The following QPCT variants were observed in gnomAD, a reference collection of about 807,000 sequenced individuals.
The protein encoded by QPCT is EC.
Under a neutral mutation model 43.4 loss-of-function variants are expected in QPCT, and 44 were observed. That is an observed-to-expected ratio of 1.01 (90% confidence interval 0.80 to 1.30). The LOEUF (loss-of-function observed/expected upper bound fraction) is 1.30, where lower values mean the gene tolerates loss of function less well. QPCT is among the 50% of genes most tolerant of loss of function. The pLI is 0.00. For synonymous variants in QPCT, 168 were observed against 168.4 expected, an observed-to-expected ratio of 1.00 and a Z score of 0.02; for missense variants, 526 against 436.5, an observed-to-expected ratio of 1.21 and a Z score of -1.83.
At chr2:37,354,032 T>C (rs936379933) in intron 2 of QPCT, among the ~76,000 whole-genome samples, 3 of 152,192 alleles carry the variant, frequency 2.0e-5, no homozygotes, top group Admixed American at 6.5e-5. Flanking sequence ...GCCCGGCTAA[T>C]TTTTGTATTT....
intron 1 of QPCT, among the ~76,000 whole-genome samples, chr2:37,346,844 A>G (rs1293537884): frequency 6.6e-6 from 1 of 152,066 alleles, no homozygotes; most frequent in Admixed American, 6.5e-5. Flanking sequence ...CGACTATTTT[A>G]ATCATATGAT....
In QPCT at chr2:37,367,082, G is replaced by C. The variant is rs148254821; in HGVS notation, c.547-150G>C. Reference sequence around the variant, plus strand: ...TGTGATGACTTTTGAAGAGGAAGTGGTGTGGAATAAATTTTGCCATAGTTT... The same window carrying C: ...TGTGATGACTTTTGAAGAGGAAGTGCTGTGGAATAAATTTTGCCATAGTTT... On this transcript the variant is annotated intron_variant, in intron 3 of 6. Coordinates refer to ENST00000338415, the MANE Select transcript of QPCT (RefSeq NM_012413.4). 846 of 749,414 alleles carry C rather than the reference G, an allele frequency of 1.1e-3. 4 individuals are homozygous for C. The African/African-American group carries it at 0.012, about 11-fold the overall frequency. The allele number at this position is 749,414 out of a possible 1,614,324, so 46.4% of individuals were successfully genotyped here. A position where few individuals can be genotyped will look rare whatever the true frequency, so the allele number is the denominator to read the frequency against.
intron 2 of QPCT, among the ~76,000 whole-genome samples, chr2:37,354,068 T>C (rs932912290): frequency 1.3e-5 from 2 of 152,254 alleles, no homozygotes; most frequent in Non-Finnish European, 2.9e-5. Flanking sequence ...TTTCACCACG[T>C]TGGCCAGGAT....
chr2:37,347,187 TATATAA>T (rs1276122250), intron 1 of QPCT, among the ~76,000 whole-genome samples: 23 of 93,280 alleles, frequency 2.5e-4, no homozygotes, highest in South Asian at 3.2e-4. Context: ...ATAACATATA[TATATAA>T]CATATATATA....
intron 4 of QPCT, 69 bp from the exon 5 acceptor site, chr2:37,369,616 T>G (rs895130585): frequency 5.2e-6 from 6 of 1,163,264 alleles, no homozygotes; most frequent in Admixed American, 1.7e-5. Context: ...TGACTGATTG[T>G]ATTTCCCTGT....
intron 1 of QPCT, among the ~76,000 whole-genome samples, chr2:37,350,593 G>A (rs189339548): frequency 6.6e-5 from 10 of 152,354 alleles, no homozygotes; most frequent in African/African-American, 2.4e-4. Context: ...GTGAGGCAGA[G>A]TAAAACTAGC....
Position 37,372,687 on chromosome 2 carries a change from C to G in QPCT, c.946C>G (p.Pro316Ala), listed in dbSNP as rs777949402. ...DHIPFLRRGV[P>A]VLHLIPSPFP... ...AGTTGGTTCTTTCTTAATAGGTGTT[C>G]CAGTTCTGCATCTGATACCGTCTCC... Residue 316 changes from proline to alanine, a missense_variant, in exon 7 of 7, where the codon CCA becomes GCA. Transcript: ENST00000338415. 2.7e-5 allele frequency: 43 copies of G among 1,612,228 alleles called. No individual in the cohort carries two copies. The Middle Eastern group carries it at 5.0e-4, about 19-fold the overall frequency.
At chr2:37,362,966 G>C (rs933851100) in intron 3 of QPCT, among the ~76,000 whole-genome samples, 1 of 152,244 alleles carries the variant, frequency 6.6e-6, no homozygotes, top group Admixed American at 6.5e-5. Context: ...TTGAACCAGG[G>C]AGGTTATGGA....
chr2:37,348,671 C>T (rs1044919746), intron 1 of QPCT, among the ~76,000 whole-genome samples: 1 of 152,258 alleles, frequency 6.6e-6, no homozygotes, highest in East Asian at 1.9e-4. Context: ...ACATGATTAG[C>T]CTAGAAGAGA....
chr2:37,351,323 T>A (rs1672615704), intron 1 of QPCT, among the ~76,000 whole-genome samples: 1 of 152,240 alleles, frequency 6.6e-6, no homozygotes, highest in South Asian at 2.1e-4. Flanking sequence ...GTTCTCTTCC[T>A]GTTGAGGAGG....
chr2:37,353,021 G>A (rs1672656337), intron 2 of QPCT, 86 bp downstream of exon 2: 4 of 1,449,142 alleles, frequency 2.8e-6, no homozygotes, highest in Non-Finnish European at 3.7e-6. Context: ...GTTCTGAGGT[G>A]TCTAATATTC....
At position 37,363,193 on chromosome 2, in the gene QPCT, G is replaced by A. The variant is rs531120956; in HGVS notation, c.546+3335G>A. On this transcript the variant is annotated intron_variant, in intron 3 of 6. Coordinates refer to ENST00000338415, the MANE Select transcript of QPCT (RefSeq NM_012413.4). The stretch of plus-strand genomic sequence containing the variant: ...AGATGGTGACATTCAGTAATCCTCA[G>A]TGAAAACACTGGCTGGGCACCAGAT... Among the ~76,000 whole-genome samples, 135 of 152,314 alleles carry A rather than the reference G, an allele frequency of 8.9e-4. 2 individuals are homozygous for A. The highest frequency in any genetic ancestry group is 4.8e-3 in the South Asian group (23 of 4,830).
intron 4 of QPCT, among the ~76,000 whole-genome samples, chr2:37,369,274 C>T (rs995433643): frequency 4.6e-5 from 7 of 152,146 alleles, no homozygotes; most frequent in Non-Finnish European, 1.0e-4. Context: ...GTCCAAGTGC[C>T]TTCCTTTGAG....
intron 1 of QPCT, among the ~76,000 whole-genome samples, chr2:37,351,078 G>A (rs980058090): frequency 6.6e-5 from 10 of 152,200 alleles, no homozygotes; most frequent in Admixed American, 2.0e-4. Flanking sequence ...GTATAGATGA[G>A]TGTAAATAAT....
chr2:37,365,770 G>A (rs1324249336), intron 3 of QPCT, among the ~76,000 whole-genome samples: 1 of 152,176 alleles, frequency 6.6e-6, no homozygotes, highest in African/African-American at 2.4e-5. Flanking sequence ...CAAGGTCATC[G>A]GTTGGGAATG....
chr2:37,352,819 T>C lies in QPCT; in HGVS notation c.151T>C (p.Ser51Pro). The C allele has an allele frequency of 2.5e-6, 4 of 1,614,176 alleles. No individual in the cohort carries two copies. The highest frequency in any genetic ancestry group is 3.4e-6 in the Non-Finnish European group (4 of 1,179,992). The change falls in exon 2 of 7, where the codon TCG becomes CCG. Residue 51 changes from serine (S) to proline (P), a missense_variant. Ser to Pro is a moderately conservative substitution (Grantham distance 74). Coordinates refer to ENST00000338415, the MANE Select transcript of QPCT (RefSeq NM_012413.4). ...CCACCAGCCAGCCATTTTGAATTCA[T>C]CGGCTCTTCGGCAAATTGCAGAAGG... ...NYHQPAILNSSALRQIAEGTS... is the reference protein window; with the variant it reads ...NYHQPAILNSPALRQIAEGTS...
chr2:37,361,643 G>A (rs1177671729), intron 3 of QPCT, among the ~76,000 whole-genome samples: 5 of 152,214 alleles, frequency 3.3e-5, no homozygotes, highest in Admixed American at 3.3e-4. Context: ...CAACCTTGCT[G>A]ACTGCACAGT....
At chr2:37,364,601 G>T (rs1672918737) in intron 3 of QPCT, among the ~76,000 whole-genome samples, 1 of 152,318 alleles carries the variant, frequency 6.6e-6, no homozygotes, top group East Asian at 1.9e-4. Context: ...AGGACGAACT[G>T]GATTGCGATG....
rs1415391917 is a variant in QPCT, at chr2:37,348,216, T to A, written c.120+3365T>A. Reference sequence around the variant, plus strand: ...AATGTCATTTTGGAGCCTTACCATCTAGTTGGTAAGTATCATGAGATCCAT... The same window carrying A: ...AATGTCATTTTGGAGCCTTACCATCAAGTTGGTAAGTATCATGAGATCCAT... On this transcript the variant is annotated intron_variant, in intron 1 of 6. Transcript: ENST00000338415. Among the ~76,000 whole-genome samples the A allele has an allele frequency of 2.6e-5, 4 of 152,270 alleles. No homozygotes were observed. In the South Asian group the frequency reaches 8.3e-4, roughly 32 times the overall value.
Sources: allele counts gnomAD v4.1 joint callset (sites outside exome capture counted in the v4.1 genomes callset), GRCh38; gene constraint gnomAD v4.1.1; transcripts MANE v1.5; gene names NCBI Gene and HGNC (gene_info 2026-07-23, HGNC 2026-07-21).